ZNF609: variants seen among roughly 807,000 people sequenced by gnomAD.
The protein encoded by ZNF609 is zinc finger protein 609.
Under a neutral mutation model 109.5 loss-of-function variants are expected in ZNF609, and 11 were observed. The ratio of observed to expected loss-of-function variants is 0.10; its 90% CI spans 0.06 to 0.17. ZNF609 has a LOEUF of 0.17. ZNF609 is among the 10% of genes least tolerant of loss of function. The pLI is 1.00. For missense variants in ZNF609, 1,559 were observed against 1,772.4 expected, an observed-to-expected ratio of 0.88 and a Z score of 2.16; for synonymous variants, 646 against 662.0, an observed-to-expected ratio of 0.98 and a Z score of 0.37.
intron 2 of ZNF609, among the ~76,000 whole-genome samples, chr15:64,557,530 G>A (rs1486905416): frequency 1.3e-5 from 2 of 152,034 alleles, no homozygotes; most frequent in Non-Finnish European, 2.9e-5. Context: ...TTAGTGGTGG[G>A]GATTGGTGGA....
rs188089790 is a variant in ZNF609 at position 64,544,196 on chromosome 15, C to T, written c.747+44030C>T. On this transcript the variant is annotated intron_variant, in intron 2 of 9. Transcript: ENST00000326648. Reference sequence around the variant, plus strand: ...TCTATTAAAAAATACAAAAATTAGCCGGGCGTGGTGGCATGCATCTGTAAT... The same window carrying T: ...TCTATTAAAAAATACAAAAATTAGCTGGGCGTGGTGGCATGCATCTGTAAT... Among the ~76,000 whole-genome samples the T allele has an allele frequency of 5.1e-3, 777 of 152,116 alleles. 4 individuals are homozygous for T. The highest frequency in any genetic ancestry group is 8.2e-3 in the Non-Finnish European group (561 of 68,002).
intron 2 of ZNF609, among the ~76,000 whole-genome samples, chr15:64,599,167 G>GGTTTT (rs1895451820): frequency 2.3e-5 from 2 of 85,700 alleles, no homozygotes; most frequent in African/African-American, 1.0e-4. Context: ...ATTTTGTGGT[G>GGTTTT]GTTTTTTTTT....
intron 2 of ZNF609, among the ~76,000 whole-genome samples, chr15:64,514,110 A>T (rs1223475133): frequency 6.6e-6 from 1 of 150,592 alleles, no homozygotes; most frequent in Admixed American, 6.6e-5. Flanking sequence ...AAAAACCACC[A>T]GTTCAAATCT....
Position 64,675,555 on chromosome 15 carries a change from C to A in ZNF609, c.2701C>A (p.Pro901Thr). 1 of 1,614,146 alleles carries A rather than the reference C, an allele frequency of 6.2e-7. No individual in the cohort carries two copies. Among genetic ancestry groups the A allele is most frequent in the South Asian group, 1.1e-5 (1 of 91,078 alleles). The change falls in exon 5 of 10, where the codon CCA becomes ACA. Residue 901 changes from proline to threonine, a missense_variant. Transcript: ENST00000326648. ...YYQGFESYYS[P>T]SYAQSSPGAL... Reference sequence around the variant, plus strand: ...CCAAGGCTTTGAGAGTTACTATTCTCCAAGTTATGCACAGTCCAGCCCTGG... The same window carrying A: ...CCAAGGCTTTGAGAGTTACTATTCTACAAGTTATGCACAGTCCAGCCCTGG...
At chr15:64,476,101 C>G (rs1454671774) in intron 1 of ZNF609, among the ~76,000 whole-genome samples, 1 of 152,042 alleles carries the variant, frequency 6.6e-6, no homozygotes, top group East Asian at 1.9e-4. Context: ...TGATGCATGG[C>G]AGGTGGAGGT....
chr15:64,506,000 T>A (rs926090793), intron 2 of ZNF609, among the ~76,000 whole-genome samples: 8 of 152,102 alleles, frequency 5.3e-5, no homozygotes, highest in African/African-American at 1.9e-4. Context: ...ATAAATTTTT[T>A]AAAAAGTGTG....
At chr15:64,500,510 GT>G in intron 2 of ZNF609, 5 of 614,948 alleles carry the variant, frequency 8.1e-6, no homozygotes, top group Non-Finnish European at 1.4e-5. Context: ...ACCTTTATTT[GT>G]TTCCCAGCTT....
chr15:64,665,237 G>A (rs1161680544), intron 3 of ZNF609, among the ~76,000 whole-genome samples: 1 of 152,192 alleles, frequency 6.6e-6, no homozygotes, highest in Non-Finnish European at 1.5e-5. Flanking sequence ...TATCTAAGGT[G>A]AAGGTAACAG....
chr15:64,468,906 A>G (rs1168805414), intron 1 of ZNF609, among the ~76,000 whole-genome samples: 1 of 152,066 alleles, frequency 6.6e-6, no homozygotes, highest in African/African-American at 2.4e-5. Flanking sequence ...TTAGCTGTAG[A>G]ATATCATGAT....
intron 2 of ZNF609, among the ~76,000 whole-genome samples, chr15:64,505,607 C>T (rs559186788): frequency 6.6e-6 from 1 of 152,094 alleles, no homozygotes; most frequent in South Asian, 2.1e-4. Context: ...AAAGTGTGTC[C>T]CATAAAACCA....
At chr15:64,535,130 T>A (rs1894119801) in intron 2 of ZNF609, among the ~76,000 whole-genome samples, 1 of 152,110 alleles carries the variant, frequency 6.6e-6, no homozygotes, top group East Asian at 1.9e-4. Context: ...GATCATAGTT[T>A]ACAGTAACCT....
chr15:64,531,214 T>G (rs989856345), intron 2 of ZNF609, among the ~76,000 whole-genome samples: 4 of 152,124 alleles, frequency 2.6e-5, no homozygotes, highest in African/African-American at 9.7e-5. Flanking sequence ...GTTAATAGCT[T>G]TATATTGAGT....
rs767713276 is a variant in ZNF609, at chr15:64,499,754, G to C, written c.335G>C (p.Ser112Thr). 3.1e-6 allele frequency: 5 copies of C among 1,614,100 alleles called. No homozygotes were observed. The Admixed American group carries it at 6.7e-5, about 22-fold the overall frequency. Residue 112 changes from serine (S) to threonine (T), a missense_variant, in exon 2 of 10, where the codon AGT becomes ACT. This residue lies in a region of ZNF609 where 291 missense variants were observed against 317.8 expected (regional missense o/e 0.92). Transcript: ENST00000326648. ...CCAGGGACTTCCCTGTTCACTCCAAGTGAGGGGGCAGCTAGCAAGAAAGAG... is the reference window on the plus strand; with the variant it reads ...CCAGGGACTTCCCTGTTCACTCCAACTGAGGGGGCAGCTAGCAAGAAAGAG... The part of the protein sequence containing the change: ...PTPGTSLFTP[S>T]EGAASKKEVQ...
At chr15:64,545,826 GT>G (rs1894350099) in intron 2 of ZNF609, among the ~76,000 whole-genome samples, 1 of 152,084 alleles carries the variant, frequency 6.6e-6, no homozygotes, top group Admixed American at 6.5e-5. Flanking sequence ...TGTCTATGTT[GT>G]TGCATTTATC....
chr15:64,584,163 C>T (rs557483109), intron 2 of ZNF609, among the ~76,000 whole-genome samples: 1 of 152,186 alleles, frequency 6.6e-6, no homozygotes, highest in East Asian at 1.9e-4. Context: ...CAGGTTGTGC[C>T]TTTTAAGAGG....
intron 2 of ZNF609, among the ~76,000 whole-genome samples, chr15:64,604,390 TATGATATTCTTG>T (rs1359775000): frequency 1.3e-5 from 2 of 152,220 alleles, no homozygotes; most frequent in African/African-American, 4.8e-5. Context: ...AAAAGCCTTT[TATGATATTCTTG>T]ATGACATGTT....
chr15:64,607,827 CTTTCTTTCT>C (rs1895630927), intron 2 of ZNF609, among the ~76,000 whole-genome samples: 1 of 13,506 alleles, frequency 7.4e-5, no homozygotes, highest in Admixed American at 1.4e-3. Flanking sequence ...TTCTTTCTTT[CTTTCTTTCT>C]TTCTTTCTTT....
Position 64,674,936 on chromosome 15 carries a change from C to T in ZNF609, c.2082C>T (p.Ala694=). ...SSGLTATVAQ[A]MPNSPQLKPI... ...GCTTGACCGCCACAGTGGCACAAGC[C>T]ATGCCCAACAGTCCCCAACTCAAGC... Residue 694 remains alanine, a synonymous_variant, in exon 5 of 10, where the codon GCC becomes GCT. Transcript: ENST00000326648. 6.2e-7 allele frequency: 1 copy of T among 1,614,110 alleles called. No homozygotes were observed. The highest frequency in any genetic ancestry group is 8.5e-7 in the Non-Finnish European group (1 of 1,180,032).
At chr15:64,593,409 A>C in intron 2 of ZNF609, 1 of 739,380 alleles carries the variant, frequency 1.4e-6, no homozygotes, top group Non-Finnish European at 2.3e-6. Flanking sequence ...AATAAATAAA[A>C]ATAATGTTTT....
Sources: gnomAD v4.1 joint callset for allele counts (sites outside exome capture counted in the v4.1 genomes callset) on GRCh38, gnomAD v4.1.1 for gene constraint, gnomAD v4.1.1 regional missense constraint, MANE v1.5 for transcripts, NCBI Gene and HGNC (gene_info 2026-07-23, HGNC 2026-07-21) for gene names.